The following ARSJ variants were observed in gnomAD, a reference collection of about 807,000 sequenced individuals.
ARSJ encodes arylsulfatase J.
A neutral mutation model predicts 35.9 loss-of-function variants in ARSJ; 26 were observed. That is an observed-to-expected ratio of 0.72 (90% confidence interval 0.53 to 1.00). The LOEUF is 1.00. Ranked by LOEUF, ARSJ falls within the 50% of genes least tolerant of loss-of-function variation. ARSJ has a pLI of 0.00. For missense variants in ARSJ, 667 were observed against 723.6 expected (o/e 0.92, Z 0.90); for synonymous variants, 294 against 267.6 (o/e 1.10, Z -0.96).
At chr4:113,953,633 G>A (rs953972121) in intron 1 of ARSJ, among the ~76,000 whole-genome samples, 4 of 151,932 alleles carry the variant, frequency 2.6e-5, no homozygotes, top group Admixed American at 6.6e-5. Context: ...CATAAACATG[G>A]CACCAGATCT....
intron 1 of ARSJ, among the ~76,000 whole-genome samples, chr4:113,940,543 G>A (rs1594456797): frequency 6.6e-6 from 1 of 151,774 alleles, no homozygotes; most frequent in East Asian, 1.9e-4. Context: ...AATGCATGCT[G>A]GGCTTAATAT....
chr4:113,930,513 T>C (rs1375021446), intron 1 of ARSJ, among the ~76,000 whole-genome samples: 1 of 152,148 alleles, frequency 6.6e-6, no homozygotes, highest in African/African-American at 2.4e-5. Context: ...CCAATCAAAC[T>C]GACACCCCAT....
At chr4:113,904,679 C>T (rs1190615451) in intron 1 of ARSJ, among the ~76,000 whole-genome samples, 2 of 151,956 alleles carry the variant, frequency 1.3e-5, no homozygotes, top group Admixed American at 6.5e-5. Context: ...AAATTAGAGA[C>T]GGGGTTTCAC....
In ARSJ at chr4:113,903,352, A is replaced by C. The variant is rs1438907032; in HGVS notation, c.722T>G (p.Met241Arg). The C allele has an allele frequency of 6.2e-7, 1 of 1,614,174 alleles. No individual in the cohort carries two copies. Among genetic ancestry groups the C allele is most frequent in the Non-Finnish European group, 8.5e-7 (1 of 1,180,032 alleles). ...GATTTGCTGTACTCTCTGAGTGTAC[A>C]TCTGTGTGGAGTATATGCCATTGTC... The part of the protein sequence containing the change: ...DYDNGIYSTQ[M>R]YTQRVQQILA... Residue 241 changes from methionine to arginine, a missense_variant, in exon 2 of 2, where the codon ATG becomes AGG. Met to Arg is a moderately conservative substitution (Grantham distance 91). Coordinates refer to ENST00000315366, the MANE Select transcript of ARSJ (RefSeq NM_024590.4).
chr4:113,941,120 A>T (rs1280453815), intron 1 of ARSJ, among the ~76,000 whole-genome samples: 2 of 152,046 alleles, frequency 1.3e-5, no homozygotes, highest in Non-Finnish European at 2.9e-5. Context: ...AGAGGCTACA[A>T]ATATATTTTT....
chr4:113,942,573 T>G (rs138115913), intron 1 of ARSJ, among the ~76,000 whole-genome samples: 334 of 152,142 alleles, frequency 2.2e-3, no homozygotes, highest in African/African-American at 7.6e-3. Flanking sequence ...ATCTCTGTCA[T>G]GGACTTTCCT....
intron 1 of ARSJ, among the ~76,000 whole-genome samples, chr4:113,908,453 T>C (rs2099669429): frequency 6.6e-6 from 1 of 152,254 alleles, no homozygotes; most frequent in African/African-American, 2.4e-5. Context: ...AAATAAAAGA[T>C]ATTTTATTTA....
intron 1 of ARSJ, chr4:113,944,318 T>TG (rs1457261793): frequency 6.6e-6 from 1 of 151,840 alleles, no homozygotes; most frequent in Non-Finnish European, 1.5e-5. Flanking sequence ...CAGCCAATGA[T>TG]GGAAAAAAAA....
At chr4:113,933,063 C>T (rs1381881336) in intron 1 of ARSJ, among the ~76,000 whole-genome samples, 1 of 151,680 alleles carries the variant, frequency 6.6e-6, no homozygotes. Context: ...AAGAATATTT[C>T]GAGACTATTA....
intron 1 of ARSJ, among the ~76,000 whole-genome samples, chr4:113,965,201 C>A (rs976212149): frequency 2.6e-5 from 4 of 152,028 alleles, no homozygotes; most frequent in African/African-American, 9.7e-5. Flanking sequence ...ATATATGAAA[C>A]AAATGAAAAA....
At position 113,901,059 on chromosome 4, in the gene ARSJ, TTA is replaced by T. The variant is rs1261762525; in HGVS notation, c.*1213_*1214del. On this transcript the variant is annotated 3_prime_UTR_variant, in exon 2 of 2. Transcript: ENST00000315366. ...GGAAGCATCTATCTGTAAAATCATA[TTA>T]TATTACTGTGGTTGTTAGCAAACCA... The T allele has an allele frequency of 1.4e-5, 2 of 146,372 alleles. No individual in the cohort carries two copies. Among genetic ancestry groups the T allele is most frequent in the Non-Finnish European group, 2.9e-5 (2 of 67,980 alleles). The allele number at this position is 146,372 out of a possible 1,614,324, so 9.1% of individuals were successfully genotyped here.
chr4:113,902,877 A>G lies in ARSJ; in HGVS notation c.1197T>C (p.Asp399=). The G allele has an allele frequency of 6.2e-7, 1 of 1,614,096 alleles. No homozygotes were observed. Among genetic ancestry groups the G allele is most frequent in the Non-Finnish European group, 8.5e-7 (1 of 1,180,006 alleles). Reference sequence around the variant, plus strand: ...TTATGGTCTCCCAGATATCATAGCCATCTAGTTGAATGTCCTCATCAATCT... The same window carrying G: ...TTATGGTCTCCCAGATATCATAGCCGTCTAGTTGAATGTCCTCATCAATCT... ...EGQIDEDIQL[D]GYDIWETISE... Residue 399 remains aspartate, a synonymous_variant, in exon 2 of 2, where the codon GAT becomes GAC. Coordinates refer to ENST00000315366, the MANE Select transcript of ARSJ (RefSeq NM_024590.4).
intron 1 of ARSJ, among the ~76,000 whole-genome samples, chr4:113,907,787 G>T (rs1181671440): frequency 6.6e-6 from 1 of 152,174 alleles, no homozygotes; most frequent in Non-Finnish European, 1.5e-5. Context: ...GTCCTTTGCA[G>T]TAATATGGAT....
chr4:113,901,102 A>G lies in ARSJ; in HGVS notation c.*1172T>C, dbSNP rs1231660626. 6.6e-6 allele frequency: 1 copy of G among 152,182 alleles called. No individual in the cohort carries two copies. The allele number at this position is 152,182 out of a possible 1,614,324, so 9.4% of individuals were successfully genotyped here. On this transcript the variant is annotated 3_prime_UTR_variant, in exon 2 of 2. Transcript: ENST00000315366. ...TAGCAAACCATTCCTTCAATTGCCT[A>G]TTAGTAAAGATTTTTATTTTTTAGG...
chr4:113,959,964 T>C (rs1324193003), intron 1 of ARSJ, among the ~76,000 whole-genome samples: 2 of 152,074 alleles, frequency 1.3e-5, no homozygotes, highest in South Asian at 2.1e-4. Context: ...ATTGGGGTAT[T>C]AAGTAATGTA....
At chr4:113,916,307 T>C (rs1490337603) in intron 1 of ARSJ, among the ~76,000 whole-genome samples, 1 of 152,176 alleles carries the variant, frequency 6.6e-6, no homozygotes, top group Non-Finnish European at 1.5e-5. Context: ...ATTCTGCCTC[T>C]ATAGGCTGTG....
At chr4:113,924,838 C>G (rs1218676731) in intron 1 of ARSJ, among the ~76,000 whole-genome samples, 3 of 152,112 alleles carry the variant, frequency 2.0e-5, no homozygotes, top group Non-Finnish European at 4.4e-5. Flanking sequence ...TGCAGCTGGT[C>G]ACATGGTCGT....
At chr4:113,953,121 C>A (rs913611874) in intron 1 of ARSJ, among the ~76,000 whole-genome samples, 1 of 151,974 alleles carries the variant, frequency 6.6e-6, no homozygotes, top group Non-Finnish European at 1.5e-5. Context: ...ATTTAAGTGG[C>A]AAAACTGGGA....
chr4:113,928,396 A>G (rs769190060), intron 1 of ARSJ, among the ~76,000 whole-genome samples: 1 of 152,164 alleles, frequency 6.6e-6, no homozygotes, highest in Non-Finnish European at 1.5e-5. Context: ...AAGTCTGGAA[A>G]TTGATTGAGG....
Sources: gnomAD v4.1 joint callset for allele counts (sites outside exome capture counted in the v4.1 genomes callset) on GRCh38, gnomAD v4.1.1 for gene constraint, MANE v1.5 for transcripts, NCBI Gene and HGNC (gene_info 2026-07-23, HGNC 2026-07-21) for gene names.